The following HEATR3 variants were observed in gnomAD, a reference collection of about 807,000 sequenced individuals.
The protein encoded by HEATR3 is HEAT repeat containing 3, also known as HEAT repeat-containing protein 3.
In HEATR3, 56 loss-of-function variants were observed where a neutral mutation model predicts 72.8. That is an observed-to-expected ratio of 0.77 (90% CI 0.62 to 0.96). The LOEUF is 0.96. Ranked by LOEUF, HEATR3 falls within the 40% of genes least tolerant of loss-of-function variation. The pLI, the probability that HEATR3 is intolerant of heterozygous loss-of-function variation, is 0.00. For synonymous variants in HEATR3, 331 were observed against 318.1 expected, an observed-to-expected ratio of 1.04 and a Z score of -0.43; for missense variants, 747 against 831.4, an observed-to-expected ratio of 0.90 and a Z score of 1.25.
chr16:50,089,928 G>T (rs2037072207), intron 11 of HEATR3, among the ~76,000 whole-genome samples: 1 of 152,144 alleles, frequency 6.6e-6, no homozygotes, highest in Admixed American at 6.5e-5. Flanking sequence ...ACCTCCCAAA[G>T]TGCTGGGATT....
chr16:50,098,775 TA>T (rs1333818481), intron 12 of HEATR3, among the ~76,000 whole-genome samples: 1 of 152,024 alleles, frequency 6.6e-6, no homozygotes, highest in African/African-American at 2.4e-5. Context: ...GTAGTGACAT[TA>T]AAAGACATTA....
intron 6 of HEATR3, 99 bp from the exon 7 acceptor site, chr16:50,078,642 G>C: frequency 4.1e-6 from 5 of 1,219,460 alleles, no homozygotes; most frequent in Non-Finnish European, 5.6e-6. Context: ...GAGATTTTTT[G>C]AAATTACACT....
Position 50,084,315 on chromosome 16 carries a change from T to TA in HEATR3, c.1290+25dup, listed in dbSNP as rs774138216. 1.9e-6 allele frequency: 3 copies of TA among 1,607,086 alleles called. No individual in the cohort carries two copies. The East Asian group carries it at 6.7e-5, about 36-fold the overall frequency. On this transcript the variant is annotated intron_variant, in intron 9 of 14. Coordinates refer to ENST00000299192, the MANE Select transcript of HEATR3 (RefSeq NM_182922.4). ...AGGTAATCCATTTTCATTCTAGGCT[T>TA]ACCGTGGAGCATGGGAAAGGCTTAA... is the stretch of plus-strand genomic sequence containing the variant.
At chr16:50,096,589 T>A (rs8062149) in intron 12 of HEATR3, among the ~76,000 whole-genome samples, 151,989 of 152,330 alleles carry the variant, frequency 1, 75,825 homozygotes, top group Middle Eastern at 1. Context: ...ACGTAAGGTC[T>A]GGAGTTCAAG....
chr16:50,103,807 C>T (rs570773615), intron 14 of HEATR3, among the ~76,000 whole-genome samples: 1 of 152,174 alleles, frequency 6.6e-6, no homozygotes, highest in Non-Finnish European at 1.5e-5. Flanking sequence ...GGGAGGATCA[C>T]TCGAGTCCAG....
chr16:50,076,217 A>C (rs1304765791), intron 6 of HEATR3, among the ~76,000 whole-genome samples: 2 of 151,132 alleles, frequency 1.3e-5, no homozygotes, highest in Non-Finnish European at 2.9e-5. Flanking sequence ...TATTGTTTTG[A>C]GATGGAGTCT....
intron 14 of HEATR3, among the ~76,000 whole-genome samples, chr16:50,104,367 CACA>C (rs2037434638): frequency 6.6e-6 from 1 of 151,944 alleles, no homozygotes; most frequent in African/African-American, 2.4e-5. Context: ...ACAAAAAAAC[CACA>C]ACACTACAGA....
intron 9 of HEATR3, 93 bp downstream of exon 9, chr16:50,084,384 C>G (rs1043663349): frequency 6.4e-5 from 92 of 1,439,336 alleles, no homozygotes; most frequent in Non-Finnish European, 7.8e-5. Context: ...GCTCACACTT[C>G]CAGGTTGTAG....
chr16:50,066,194 G>A lies in HEATR3; in HGVS notation c.63G>A (p.Gln21=), dbSNP rs2036484603. Reference sequence around the variant, plus strand: ...AGTTCTCCCCTACGGGCGACTGTCAGGCCGAGGCGGCTGCGGCGGCGAATG... The same window carrying A: ...AGTTCTCCCCTACGGGCGACTGTCAAGCCGAGGCGGCTGCGGCGGCGAATG... ...RPQFSPTGDC[Q]AEAAAAANGT... is the part of the protein sequence containing the mutation. The change falls in exon 1 of 15, where the codon CAG becomes CAA. Residue 21 remains glutamine (Q), a synonymous_variant. Transcript: ENST00000299192. The A allele has an allele frequency of 1.3e-6, 2 of 1,586,412 alleles. No homozygotes were observed. Among genetic ancestry groups the A allele is most frequent in the Non-Finnish European group, 8.6e-7 (1 of 1,167,866 alleles).
intron 6 of HEATR3, among the ~76,000 whole-genome samples, chr16:50,078,281 C>T (rs541221253): frequency 6.6e-6 from 1 of 152,240 alleles, no homozygotes; most frequent in East Asian, 1.9e-4. Context: ...ACTCTGACTA[C>T]TTAATGATAG....
intron 11 of HEATR3, among the ~76,000 whole-genome samples, chr16:50,090,771 A>G (rs926013409): frequency 1.3e-5 from 2 of 152,204 alleles, no homozygotes; most frequent in African/African-American, 2.4e-5. Flanking sequence ...GAGAATCAGA[A>G]CGTTCTTTTT....
chr16:50,074,060 A>T (rs1192791367), intron 5 of HEATR3: 1 of 152,236 alleles, frequency 6.6e-6, no homozygotes, highest in African/African-American at 2.4e-5. Context: ...ATTTGGATAT[A>T]TGTACAGAAA....
intron 11 of HEATR3, among the ~76,000 whole-genome samples, chr16:50,090,234 G>T (rs1025883537): frequency 3.3e-5 from 5 of 151,954 alleles, no homozygotes; most frequent in African/African-American, 1.2e-4. Context: ...TCTTGCTTGC[G>T]CCTGTGGTCC....
At chr16:50,104,478 C>T (rs2150632957) in intron 14 of HEATR3, among the ~76,000 whole-genome samples, 2 of 152,270 alleles carry the variant, frequency 1.3e-5, no homozygotes, top group South Asian at 4.1e-4. Flanking sequence ...AAACCTCCTG[C>T]CTCGGCCTCC....
At chr16:50,071,482 G>C (rs2036610124) in intron 4 of HEATR3, among the ~76,000 whole-genome samples, 1 of 152,194 alleles carries the variant, frequency 6.6e-6, no homozygotes, top group Admixed American at 6.5e-5. Context: ...GCATTTGGAA[G>C]TTTTTAAAAA....
intron 10 of HEATR3, among the ~76,000 whole-genome samples, chr16:50,085,259 T>C (rs2080504): frequency 0.68 from 103,480 of 152,046 alleles, 35,510 homozygotes; most frequent in South Asian, 0.72. Context: ...TGGGTTTTGG[T>C]TTCATAGACT....
At chr16:50,086,182 G>T in intron 10 of HEATR3, 33 bp from the exon 11 acceptor site, 2 of 1,552,342 alleles carry the variant, frequency 1.3e-6, no homozygotes, top group Non-Finnish European at 1.7e-6. Flanking sequence ...AACTTCTGGA[G>T]AATCAGATGG....
rs770050621 is a variant in HEATR3, at chr16:50,066,423, G to A, written c.195G>A (p.Leu65=). The change falls in exon 2 of 15, where the codon CTG becomes CTA. Residue 65 remains leucine (L), a synonymous_variant. Coordinates refer to ENST00000299192, the MANE Select transcript of HEATR3 (RefSeq NM_182922.4). ...RECACAGLAR[L]VQQRPALPGL... The stretch of plus-strand genomic sequence containing the variant: ...GCGCCTGCGCAGGGCTGGCCCGGCT[G>A]GTGCAGCAGCGGCCGGCACTCCCGG... 2.7e-6 allele frequency: 4 copies of A among 1,485,100 alleles called. No homozygotes were observed. The highest frequency in any genetic ancestry group is 2.5e-5 in the Admixed American group (1 of 39,620). The allele number at this position is 1,485,100 out of a possible 1,614,324, so 92.0% of individuals were successfully genotyped here. A position where few individuals can be genotyped will look rare whatever the true frequency, so the allele number is the denominator to read the frequency against.
chr16:50,071,406 T>C (rs753985472), intron 4 of HEATR3, among the ~76,000 whole-genome samples: 27 of 152,360 alleles, frequency 1.8e-4, no homozygotes, highest in Non-Finnish European at 3.2e-4. Context: ...GGAAATGGCA[T>C]TTGAGCAAAA....
Sources: allele counts gnomAD v4.1 joint callset (sites outside exome capture counted in the v4.1 genomes callset), GRCh38; gene constraint gnomAD v4.1.1; transcripts MANE v1.5; gene names NCBI Gene and HGNC (gene_info 2026-07-23, HGNC 2026-07-21).